Variants in ZNF282 observed in about 807,000 individuals in gnomAD.
The protein encoded by ZNF282 is HTLV-I U5 repressive element-binding protein 1.
ZNF282 carries 30 observed loss-of-function variants against 61.9 expected under a neutral mutation model. The observed-to-expected ratio is 0.48, with a 90% CI of 0.36 to 0.66. The LOEUF (loss-of-function observed/expected upper bound fraction) is 0.66, where lower values mean the gene tolerates loss of function less well. ZNF282 is among the 30% of genes least tolerant of loss of function. The pLI is 0.00. For synonymous variants in ZNF282, 396 were observed against 405.0 expected (o/e 0.98, Z 0.27); for missense variants, 788 against 941.4 (o/e 0.84, Z 2.13).
intron 2 of ZNF282, among the ~76,000 whole-genome samples, chr7:149,200,429 T>G (rs916211481): frequency 5.3e-5 from 8 of 152,076 alleles, no homozygotes; most frequent in South Asian, 2.1e-4. Context: ...CTCTGCTGAG[T>G]CTTTTCCTAC....
intron 1 of ZNF282, among the ~76,000 whole-genome samples, chr7:149,197,074 A>G (rs1484564147): frequency 6.6e-6 from 1 of 152,210 alleles, no homozygotes; most frequent in African/African-American, 2.4e-5. Flanking sequence ...TGAGTCTGAC[A>G]CCAGGTCCCA....
rs370684264 is a variant in ZNF282, at chr7:149,198,010, C to G, written c.166-323C>G. Reference sequence around the variant, plus strand: ...TACAAAGTTCGTCATTAAGGCTAGCCCTTGAAGAAATCAGTTGGTCTATTC... The same window carrying G: ...TACAAAGTTCGTCATTAAGGCTAGCGCTTGAAGAAATCAGTTGGTCTATTC... On this transcript the variant is annotated intron_variant, in intron 1 of 7. Coordinates refer to ENST00000610704, the MANE Select transcript of ZNF282 (RefSeq NM_003575.4). The surrounding 1 kb of genome is among the most constrained non-coding windows in gnomAD (Gnocchi z 4.3). 3.3e-5 allele frequency among the ~76,000 whole-genome samples: 5 copies of G among 152,342 alleles called. No individual in the cohort carries two copies. The highest frequency in any genetic ancestry group is 1.2e-4 in the African/African-American group (5 of 41,584).
At chr7:149,215,195 A>ATTTTTTTT (rs36096302) in intron 7 of ZNF282, among the ~76,000 whole-genome samples, 7 of 90,660 alleles carry the variant, frequency 7.7e-5, no homozygotes, top group South Asian at 4.5e-4. Context: ...ATTTCCTGAC[A>ATTTTTTTT]TTTTTTTTTT....
chr7:149,212,273 T>C (rs1428050898), intron 5 of ZNF282, 85 bp from the exon 6 acceptor site: 1 of 873,238 alleles, frequency 1.1e-6, no homozygotes, highest in Non-Finnish European at 1.8e-6. Flanking sequence ...GATAATTGCA[T>C]GAAATCAGAG....
At chr7:149,216,957 T>C (rs188406882) in intron 7 of ZNF282, among the ~76,000 whole-genome samples, 1 of 152,338 alleles carries the variant, frequency 6.6e-6, no homozygotes, top group Admixed American at 6.5e-5. Flanking sequence ...CCAAAGTTAA[T>C]GTACATCAGT....
At position 149,224,281 on chromosome 7, in the gene ZNF282, G is replaced by C; in HGVS notation, c.1650G>C (p.Glu550Asp). The change falls in exon 8 of 8, where the codon GAG becomes GAC. Residue 550 changes from glutamate (E) to aspartate (D), a missense_variant. Physicochemically the swap from Glu to Asp is conservative, Grantham distance 45 (BLOSUM62 2). Transcript: ENST00000610704. ...HTKERPYECA[E>D]CEKSFNCHSG... Reference sequence around the variant, plus strand: ...AGGAGCGGCCCTACGAGTGCGCTGAGTGCGAGAAGAGCTTCAACTGCCACT... The same window carrying C: ...AGGAGCGGCCCTACGAGTGCGCTGACTGCGAGAAGAGCTTCAACTGCCACT... 1 of 1,613,226 alleles carries C rather than the reference G, an allele frequency of 6.2e-7. No homozygotes were observed. Among genetic ancestry groups the C allele is most frequent in the South Asian group, 1.1e-5 (1 of 91,078 alleles).
Position 149,195,583 on chromosome 7 carries a change from T to A in ZNF282, c.-7T>A. The A allele has an allele frequency of 6.2e-7, 1 of 1,609,450 alleles. No individual in the cohort carries two copies. The highest frequency in any genetic ancestry group is 8.5e-7 in the Non-Finnish European group (1 of 1,178,224). On this transcript the variant is annotated 5_prime_UTR_variant, in exon 1 of 8. Coordinates refer to ENST00000610704, the MANE Select transcript of ZNF282 (RefSeq NM_003575.4). Reference sequence around the variant, plus strand: ...GGCCGACCCGAGCGGGGAACAGCACTCCCAGGATGCAGTTTGTGTCAACAC... The same window carrying A: ...GGCCGACCCGAGCGGGGAACAGCACACCCAGGATGCAGTTTGTGTCAACAC...
chr7:149,217,756 G>A (rs1160139055), intron 7 of ZNF282, among the ~76,000 whole-genome samples: 1 of 152,048 alleles, frequency 6.6e-6, no homozygotes, highest in Non-Finnish European at 1.5e-5. Context: ...GAGGGGAAGC[G>A]GTGCCTGACT....
intron 6 of ZNF282, among the ~76,000 whole-genome samples, chr7:149,213,434 C>G (rs1270850179): frequency 1.3e-5 from 2 of 152,154 alleles, no homozygotes; most frequent in East Asian, 3.9e-4. Context: ...AGTGGCAGAG[C>G]TGGGAGATCT....
At position 149,212,423 on chromosome 7, in the gene ZNF282, G is replaced by A. The variant is rs1222944283; in HGVS notation, c.1018G>A (p.Asp340Asn). 2.5e-6 allele frequency: 4 copies of A among 1,613,250 alleles called. No homozygotes were observed. In the Admixed American group the frequency reaches 6.7e-5, roughly 27 times the overall value. Residue 340 changes from aspartate (D) to asparagine (N), a missense_variant, in exon 6 of 8, where the codon GAT becomes AAT. Asp to Asn is a conservative substitution (Grantham distance 23). This residue lies in a region of ZNF282 where 559 missense variants were observed against 642.0 expected (regional missense o/e 0.87). Transcript: ENST00000610704. ...ACAGGAGGAGCATCAGTGCGTGTGG[G>A]ATCAGCAGGATTTGGCAGACAGAGA... ...IKQEEHQCVW[D>N]QQDLADRDIP... is the part of the protein sequence containing the mutation.
At position 149,207,275 on chromosome 7, in the gene ZNF282, G is replaced by A. The variant is rs527698509; in HGVS notation, c.713-76G>A. On this transcript the variant is annotated intron_variant, in intron 3 of 7. Coordinates refer to ENST00000610704, the MANE Select transcript of ZNF282 (RefSeq NM_003575.4). ...GAGGAGAGGGGGAGATGGGGTAGGG[G>A]AGAGTTCTCCCTTCCCCTTGCTGGA... 130 of 1,516,394 alleles carry A rather than the reference G, an allele frequency of 8.6e-5. 1 individual carries two copies. The South Asian group carries it at 1.5e-3, about 17-fold the overall frequency. 93.9% of individuals were successfully genotyped at this position (1,516,394 alleles called of 1,614,324 possible). A position where few individuals can be genotyped will look rare whatever the true frequency, so the allele number is the denominator to read the frequency against.
chr7:149,223,853 C>T lies in ZNF282; in HGVS notation c.1222C>T (p.Pro408Ser), dbSNP rs745504033. 6.9e-7 allele frequency: 1 copy of T among 1,459,258 alleles called. No homozygotes were observed. The highest frequency in any genetic ancestry group is 1.3e-5 in the South Asian group (1 of 75,994). The allele number at this position is 1,459,258 out of a possible 1,614,324, so 90.4% of individuals were successfully genotyped here. ...LMVKNPPPAP[P>S]QPQPQPQPPQ... ...GGTGAAGAACCCACCCCCGGCCCCGCCACAGCCCCAGCCCCAGCCCCAGCC... is the reference window on the plus strand; with the variant it reads ...GGTGAAGAACCCACCCCCGGCCCCGTCACAGCCCCAGCCCCAGCCCCAGCC... Residue 408 changes from proline (P) to serine (S), a missense_variant, in exon 8 of 8, where the codon CCA becomes TCA. By Grantham distance (74) the Pro-to-Ser change is moderately conservative. This residue lies in a region of ZNF282 where 559 missense variants were observed against 642.0 expected (regional missense o/e 0.87). Coordinates refer to ENST00000610704, the MANE Select transcript of ZNF282 (RefSeq NM_003575.4).
chr7:149,204,016 T>C (rs1030566781), intron 2 of ZNF282, among the ~76,000 whole-genome samples: 3 of 152,140 alleles, frequency 2.0e-5, no homozygotes, highest in Non-Finnish European at 4.4e-5. Flanking sequence ...TGGGTCTGGC[T>C]CAGAGTCCCA....
chr7:149,211,520 A>T (rs1006127923), intron 5 of ZNF282, among the ~76,000 whole-genome samples: 2 of 152,182 alleles, frequency 1.3e-5, no homozygotes, highest in Non-Finnish European at 2.9e-5. Flanking sequence ...ACTGACTTAC[A>T]TGTTCAAATC....
chr7:149,209,414 T>C (rs1202420), intron 4 of ZNF282, among the ~76,000 whole-genome samples: 41,991 of 152,000 alleles, frequency 0.28, 6,288 homozygotes, highest in Middle Eastern at 0.39. Flanking sequence ...TCCATATCTA[T>C]GAATTTGCCT....
intron 4 of ZNF282, among the ~76,000 whole-genome samples, chr7:149,209,018 C>A (rs1302149637): frequency 1.3e-4 from 1 of 7,514 alleles, no homozygotes; most frequent in Non-Finnish European, 7.9e-4. Flanking sequence ...GAGACTTCAT[C>A]TCAAAAAAAA....
At chr7:149,221,368 A>G (rs182719288) in intron 7 of ZNF282, among the ~76,000 whole-genome samples, 2 of 152,324 alleles carry the variant, frequency 1.3e-5, no homozygotes, top group African/African-American at 4.8e-5. Context: ...GAAGGCAGAA[A>G]AAGGTTGGAG....
intron 5 of ZNF282, 27 bp downstream of exon 5, chr7:149,210,731 C>T: frequency 6.5e-7 from 1 of 1,543,570 alleles, no homozygotes; most frequent in South Asian, 1.3e-5. Flanking sequence ...GCCGTCCACA[C>T]CAGGGAGGGG....
rs1406635057 is a variant in ZNF282, at chr7:149,210,570, A to G, written c.833-15A>G. 1.2e-6 allele frequency: 2 copies of G among 1,608,470 alleles called. No homozygotes were observed. The highest frequency in any genetic ancestry group is 2.2e-5 in the South Asian group (2 of 89,774). On this transcript the variant is annotated splice_polypyrimidine_tract_variant and intron_variant, in intron 4 of 7. Transcript: ENST00000610704. ...AGAAAAAAAGACACAAAGCAATGTC[A>G]TTCTCTGTCCCCAGGAGCAGAGCCC...
Sources: allele counts gnomAD v4.1 joint callset (sites outside exome capture counted in the v4.1 genomes callset), GRCh38; gene constraint gnomAD v4.1.1; regional missense constraint gnomAD v4.1.1; non-coding constraint Gnocchi (gnomAD v3.1); transcripts MANE v1.5; gene names NCBI Gene and HGNC (gene_info 2026-07-23, HGNC 2026-07-21).